TCERG1L: variants seen among roughly 807,000 people sequenced by gnomAD.
TCERG1L encodes transcription elongation regulator 1-like protein.
A neutral mutation model predicts 56.3 loss-of-function variants in TCERG1L; 37 were observed. That is an observed-to-expected ratio of 0.66 (90% CI 0.51 to 0.87). TCERG1L has a LOEUF of 0.87. Among genes scored for constraint, TCERG1L ranks in the 40% least tolerant of loss-of-function variants. The probability of loss-of-function intolerance (pLI) is 0.00; values close to 1 mark genes in which losing one functional copy is unlikely to be tolerated. For missense variants in TCERG1L, 799 were observed against 774.2 expected (o/e 1.03, Z -0.38); for synonymous variants, 324 against 326.3 (o/e 0.99, Z 0.08).
intron 4 of TCERG1L, among the ~76,000 whole-genome samples, chr10:131,173,399 T>C (rs1297663997): frequency 2.0e-5 from 3 of 152,042 alleles, no homozygotes; most frequent in Non-Finnish European, 4.4e-5. Context: ...TTTGAAAAAT[T>C]TGATAATAAA....
chr10:131,140,368 G>A (rs1845721740), intron 7 of TCERG1L, among the ~76,000 whole-genome samples: 1 of 152,128 alleles, frequency 6.6e-6, no homozygotes, highest in African/African-American at 2.4e-5. Flanking sequence ...CTCTGATGGG[G>A]CCTCCTGCTC....
chr10:131,306,430 G>A (rs963262743), intron 3 of TCERG1L, among the ~76,000 whole-genome samples: 4 of 151,604 alleles, frequency 2.6e-5, no homozygotes, highest in Non-Finnish European at 4.4e-5. Context: ...TAAAAAAAAG[G>A]GCAGAGAAGA....
chr10:131,130,552 C>T (rs1244778820), intron 8 of TCERG1L, among the ~76,000 whole-genome samples: 1 of 152,216 alleles, frequency 6.6e-6, no homozygotes, highest in East Asian at 1.9e-4. Flanking sequence ...CTGTGATCTG[C>T]TCTGACCCTC....
chr10:131,290,757 T>C (rs1371477375), intron 3 of TCERG1L, among the ~76,000 whole-genome samples: 3 of 150,316 alleles, frequency 2.0e-5, no homozygotes, highest in South Asian at 2.1e-4. Flanking sequence ...TTAATGTAGA[T>C]GTACCATAAT....
At chr10:131,131,633 TCA>T (rs1845618977) in intron 8 of TCERG1L, among the ~76,000 whole-genome samples, 2 of 152,196 alleles carry the variant, frequency 1.3e-5, no homozygotes, top group Admixed American at 1.3e-4. Flanking sequence ...TGAATCACTG[TCA>T]CAATCGATTT....
chr10:131,185,695 A>G (rs1390937037), intron 4 of TCERG1L, among the ~76,000 whole-genome samples: 1 of 152,208 alleles, frequency 6.6e-6, no homozygotes, highest in Non-Finnish European at 1.5e-5. Flanking sequence ...AGAACACATT[A>G]AACTCACTAG....
intron 4 of TCERG1L, among the ~76,000 whole-genome samples, chr10:131,183,917 A>G (rs1845208697): frequency 6.6e-6 from 1 of 152,236 alleles, no homozygotes; most frequent in Admixed American, 6.5e-5. Context: ...TTGCAAAGGC[A>G]TTGATAGCAG....
At chr10:131,114,264 G>A (rs182777648) in intron 9 of TCERG1L, among the ~76,000 whole-genome samples, 1 of 142,680 alleles carries the variant, frequency 7.0e-6, no homozygotes, top group African/African-American at 2.5e-5. Flanking sequence ...TCATTGTTAA[G>A]CAGCTAGAAA....
At chr10:131,177,101 C>G (rs1443789984) in intron 4 of TCERG1L, among the ~76,000 whole-genome samples, 1 of 151,490 alleles carries the variant, frequency 6.6e-6, no homozygotes, top group African/African-American at 2.4e-5. Flanking sequence ...CAGACACATG[C>G]ACACACAGAC....
At chr10:131,228,035 C>A (rs1002717853) in intron 4 of TCERG1L, among the ~76,000 whole-genome samples, 1 of 151,748 alleles carries the variant, frequency 6.6e-6, no homozygotes, top group African/African-American at 2.4e-5. Flanking sequence ...CCCCCCTCTC[C>A]GTGCTGTGTT....
At chr10:131,221,026 A>G (rs11594481) in intron 4 of TCERG1L, among the ~76,000 whole-genome samples, 11,064 of 152,208 alleles carry the variant, frequency 0.073, 531 homozygotes, top group Middle Eastern at 0.12. Context: ...GGCCCCCCCA[A>G]GCGGCTGAGT....
intron 4 of TCERG1L, among the ~76,000 whole-genome samples, chr10:131,198,843 G>A (rs1346651994): frequency 6.6e-6 from 1 of 152,206 alleles, no homozygotes; most frequent in Non-Finnish European, 1.5e-5. Flanking sequence ...AGAAGCTTGT[G>A]CCTGCTCAGC....
intron 3 of TCERG1L, among the ~76,000 whole-genome samples, chr10:131,263,976 G>C (rs1170348385): frequency 6.7e-6 from 1 of 149,878 alleles, no homozygotes; most frequent in East Asian, 2.0e-4. Flanking sequence ...GATGGTATCA[G>C]AATGACCTGG....
At chr10:131,111,354 T>C (rs1033436452) in intron 9 of TCERG1L, among the ~76,000 whole-genome samples, 7 of 142,560 alleles carry the variant, frequency 4.9e-5, no homozygotes, top group African/African-American at 1.7e-4. Flanking sequence ...AGCTGGGTCA[T>C]ACAGGGCCCC....
At chr10:131,262,743 A>AT (rs1433434556) in intron 3 of TCERG1L, among the ~76,000 whole-genome samples, 4 of 152,014 alleles carry the variant, frequency 2.6e-5, no homozygotes, top group Non-Finnish European at 5.9e-5. Context: ...CATACAGAGC[A>AT]TTTTCACAGC....
chr10:131,164,125 T>C (rs1347379829), intron 5 of TCERG1L: 1 of 114,630 alleles, frequency 8.7e-6, no homozygotes, highest in Non-Finnish European at 1.8e-5. Flanking sequence ...AGACTCTGTC[T>C]TAAAAAAAAA....
At chr10:131,262,074 G>C (rs536803457) in intron 3 of TCERG1L, among the ~76,000 whole-genome samples, 256 of 152,276 alleles carry the variant, frequency 1.7e-3, no homozygotes, top group African/African-American at 5.9e-3. Context: ...GAGGAAGTGG[G>C]GGGTGAGGGG....
chr10:131,127,449 G>A (rs977055384), intron 8 of TCERG1L, among the ~76,000 whole-genome samples: 1 of 152,232 alleles, frequency 6.6e-6, no homozygotes, highest in African/African-American at 2.4e-5. Context: ...AGGCAGACGT[G>A]AGCAGAAGCC....
intron 4 of TCERG1L, among the ~76,000 whole-genome samples, chr10:131,243,949 G>A (rs1846000438): frequency 6.6e-6 from 1 of 152,202 alleles, no homozygotes; most frequent in South Asian, 2.1e-4. Flanking sequence ...TTATTCAGAA[G>A]CTCTCTATTT....
Sources: allele counts gnomAD v4.1 joint callset (sites outside exome capture counted in the v4.1 genomes callset), GRCh38; gene constraint gnomAD v4.1.1; transcripts MANE v1.5; gene names NCBI Gene and HGNC (gene_info 2026-07-23, HGNC 2026-07-21).